Variants in MARCHF7 observed in about 807,000 individuals in gnomAD.
MARCHF7 encodes E3 ubiquitin-protein ligase MARCHF7.
Under a neutral mutation model 76.5 loss-of-function variants are expected in MARCHF7, and 20 were observed. The ratio of observed to expected loss-of-function variants is 0.26; its 90% confidence interval spans 0.18 to 0.38. The LOEUF (loss-of-function observed/expected upper bound fraction) is 0.38. Among genes scored for constraint, MARCHF7 ranks in the 10% least tolerant of loss-of-function variants. The pLI, the probability that MARCHF7 is intolerant of heterozygous loss-of-function variation, is 1.00. For synonymous variants in MARCHF7, 295 were observed against 293.0 expected (o/e 1.01, Z -0.07); for missense variants, 797 against 812.9 (o/e 0.98, Z 0.24).
In MARCHF7 at chr2:159,729,049, A is replaced by G; in HGVS notation, c.27A>G (p.Pro9=). 6.3e-7 allele frequency: 1 copy of G among 1,590,702 alleles called. No individual in the cohort carries two copies. The highest frequency in any genetic ancestry group is 8.5e-7 in the Non-Finnish European group (1 of 1,172,650). MESKPSRI[P]RRISVQPSSS... ...TGGAGTCTAAACCTTCAAGGATTCCAAGAAGAATTTCTGTTCAACCTTCCA... is the reference window on the plus strand; with the variant it reads ...TGGAGTCTAAACCTTCAAGGATTCCGAGAAGAATTTCTGTTCAACCTTCCA... The change falls in exon 4 of 12, where the codon CCA becomes CCG. Residue 9 remains proline (P), a synonymous_variant. Transcript: ENST00000409175.
At chr2:159,729,514 T>A (rs570372188) in intron 4 of MARCHF7, among the ~76,000 whole-genome samples, 8 of 151,776 alleles carry the variant, frequency 5.3e-5, no homozygotes, top group African/African-American at 1.7e-4. Flanking sequence ...CGACTAAAAA[T>A]ACAAAAAAAT....
At chr2:159,749,330 T>G (rs866820694) in intron 7 of MARCHF7, among the ~76,000 whole-genome samples, 1 of 151,530 alleles carries the variant, frequency 6.6e-6, no homozygotes, top group African/African-American at 2.4e-5. Flanking sequence ...TCTGAAGGGT[T>G]GTTTTGTTTT....
intron 7 of MARCHF7, among the ~76,000 whole-genome samples, 179 bp from the exon 8 acceptor site, chr2:159,752,219 TTCAA>T (rs956566876): frequency 3.9e-5 from 6 of 152,236 alleles, no homozygotes; most frequent in Non-Finnish European, 7.3e-5. Flanking sequence ...GTTTTTCATT[TTCAA>T]TCAGAGGGTT....
In MARCHF7 at chr2:159,729,138, CAA is replaced by C; in HGVS notation, c.117_118del (p.Asp41LeufsTer4). ...AGTAGTTTAAATGATACCTATCACT[CAA>C]GAGACTCTTCATTTAGATTGGATTC... On this transcript the variant is annotated frameshift_variant, in exon 4 of 12. Transcript: ENST00000409175. LOFTEE classifies it high-confidence loss of function. 6.2e-7 allele frequency: 1 copy of C among 1,608,122 alleles called. No homozygotes were observed. Among genetic ancestry groups the C allele is most frequent in the Non-Finnish European group, 8.5e-7 (1 of 1,177,576 alleles).
intron 3 of MARCHF7, among the ~76,000 whole-genome samples, chr2:159,723,108 T>TA (rs1343847927): frequency 1.3e-5 from 2 of 152,378 alleles, no homozygotes; most frequent in East Asian, 3.8e-4. Context: ...CTTGATAAAA[T>TA]ACCACATCTG....
intron 8 of MARCHF7, among the ~76,000 whole-genome samples, 183 bp downstream of exon 8, chr2:159,752,754 TTA>T (rs1247401106): frequency 6.6e-6 from 1 of 152,222 alleles, no homozygotes; most frequent in Non-Finnish European, 1.5e-5. Flanking sequence ...GTAATGTGTC[TTA>T]TGTTTCATTT....
intron 5 of MARCHF7, among the ~76,000 whole-genome samples, chr2:159,744,520 C>T (rs1182340871): frequency 6.6e-6 from 1 of 152,210 alleles, no homozygotes; most frequent in African/African-American, 2.4e-5. Flanking sequence ...GAAATGTTAG[C>T]CAGTGCCAGT....
chr2:159,716,243 A>G (rs191798870), intron 3 of MARCHF7, among the ~76,000 whole-genome samples: 1 of 149,116 alleles, frequency 6.7e-6, no homozygotes, highest in Admixed American at 7.0e-5. Context: ...CACTAAGGAA[A>G]AAAAAAATTT....
At chr2:159,727,352 C>T (rs2125381729) in intron 3 of MARCHF7, among the ~76,000 whole-genome samples, 1 of 152,276 alleles carries the variant, frequency 6.6e-6, no homozygotes. Flanking sequence ...CTTTGGGAGG[C>T]CGAGGCGGGC....
chr2:159,761,780 G>C (rs531477307), intron 9 of MARCHF7, among the ~76,000 whole-genome samples: 3 of 152,134 alleles, frequency 2.0e-5, no homozygotes, highest in Non-Finnish European at 4.4e-5. Context: ...TAAGAACATA[G>C]AGTTCTTAAC....
At position 159,748,750 on chromosome 2, in the gene MARCHF7, C is replaced by T. The variant is rs901023756; in HGVS notation, c.1460C>T (p.Ala487Val). The T allele has an allele frequency of 1.9e-6, 3 of 1,614,146 alleles. No individual in the cohort carries two copies. Among genetic ancestry groups the T allele is most frequent in the Non-Finnish European group, 2.5e-6 (3 of 1,180,026 alleles). ...GILPGSLFRF[A>V]VPPALGSNLT... ...CTTCCTGGTTCCTTATTCCGGTTTG[C>T]AGTCCCTCCAGCACTTGGGAGTAAT... The change falls in exon 7 of 12, where the codon GCA (alanine) becomes GTA (valine). Residue 487 changes from alanine (A) to valine (V), a missense_variant. Physicochemically the swap from Ala to Val is moderately conservative, Grantham distance 64 (BLOSUM62 0). Coordinates refer to ENST00000409175, the MANE Select transcript of MARCHF7 (RefSeq NM_001282805.2).
chr2:159,732,294 T>A (rs1702906095), intron 4 of MARCHF7, among the ~76,000 whole-genome samples: 1 of 152,130 alleles, frequency 6.6e-6, no homozygotes, highest in African/African-American at 2.4e-5. Flanking sequence ...CAAGTAGAAT[T>A]TTTAAAATCT....
At chr2:159,728,945 G>T in intron 3 of MARCHF7, 64 bp from the exon 4 acceptor site, 1 of 954,906 alleles carries the variant, frequency 1.0e-6, no homozygotes, top group African/African-American at 1.7e-5. Flanking sequence ...TGATTAAGGA[G>T]GATTAAGCAT....
chr2:159,762,799 G>T (rs1707273132), intron 9 of MARCHF7, 81 bp from the exon 10 acceptor site: 2 of 733,986 alleles, frequency 2.7e-6, no homozygotes, highest in Admixed American at 2.3e-5. Context: ...GTTTATCAGT[G>T]TACTGTGAGT....
intron 8 of MARCHF7, among the ~76,000 whole-genome samples, chr2:159,755,656 A>G (rs146586509): frequency 8.6e-4 from 131 of 152,324 alleles, no homozygotes; most frequent in African/African-American, 2.9e-3. Context: ...ATTTACTGAT[A>G]TTAGACCACG....
chr2:159,734,648 A>G (rs1703234573), intron 4 of MARCHF7, among the ~76,000 whole-genome samples: 1 of 151,974 alleles, frequency 6.6e-6, no homozygotes, highest in South Asian at 2.1e-4. Flanking sequence ...TTGCAGGAAA[A>G]CACAACTAGC....
In MARCHF7 at chr2:159,748,063, A is replaced by T; in HGVS notation, c.773A>T (p.Glu258Val). Reference sequence around the variant, plus strand: ...GAAGCCCCAATCATAAGCAATTCAGAAAGGGTTGTTTCATCTCAAAGACCA... The same window carrying T: ...GAAGCCCCAATCATAAGCAATTCAGTAAGGGTTGTTTCATCTCAAAGACCA... The part of the protein sequence containing the change: ...RDEAPIISNS[E>V]RVVSSQRPFQ... Residue 258 changes from glutamate to valine, a missense_variant, in exon 7 of 12, where the codon GAA (glutamate) becomes GTA (valine). By Grantham distance (121) the Glu-to-Val change is moderately radical. Coordinates refer to ENST00000409175, the MANE Select transcript of MARCHF7 (RefSeq NM_001282805.2). 2 of 1,614,182 alleles carry T rather than the reference A, an allele frequency of 1.2e-6. No homozygotes were observed. The highest frequency in any genetic ancestry group is 1.7e-6 in the Non-Finnish European group (2 of 1,180,024).
chr2:159,743,300 G>T (rs1704372108), intron 5 of MARCHF7, 47 bp downstream of exon 5: 1 of 1,537,846 alleles, frequency 6.5e-7, no homozygotes, highest in Non-Finnish European at 8.9e-7. Flanking sequence ...TTCTCCAGGT[G>T]TAACACAGTT....
chr2:159,728,189 T>C (rs754802143), intron 3 of MARCHF7, among the ~76,000 whole-genome samples: 2 of 152,248 alleles, frequency 1.3e-5, no homozygotes, highest in Non-Finnish European at 2.9e-5. Flanking sequence ...GGAGATAATA[T>C]AGTACCTGTC....
Sources: allele counts gnomAD v4.1 joint callset (sites outside exome capture counted in the v4.1 genomes callset), GRCh38; gene constraint gnomAD v4.1.1; transcripts MANE v1.5; gene names NCBI Gene and HGNC (gene_info 2026-07-23, HGNC 2026-07-21).